FAR2: variants seen among roughly 807,000 people sequenced by gnomAD.
The protein encoded by FAR2 is epididymis secretory protein Li 81.
In FAR2, 19 loss-of-function variants were observed where a neutral mutation model predicts 56.0. That is an observed-to-expected ratio of 0.34 (90% CI 0.24 to 0.50). The LOEUF (loss-of-function observed/expected upper bound fraction) is 0.50. Among genes scored for constraint, FAR2 ranks in the 20% least tolerant of loss-of-function variants. The pLI is 0.98. For missense variants in FAR2, 508 were observed against 642.2 expected, an observed-to-expected ratio of 0.79 and a Z score of 2.26; for synonymous variants, 219 against 218.8, an observed-to-expected ratio of 1.00 and a Z score of -0.01.
chr12:29,228,707 A>G (rs900973455), intron 1 of FAR2, among the ~76,000 whole-genome samples: 7 of 151,536 alleles, frequency 4.6e-5, no homozygotes, highest in African/African-American at 1.7e-4. Context: ...CCCACCTCAT[A>G]CTCCTGAGTA....
chr12:29,311,098 C>G lies in FAR2; in HGVS notation c.839C>G (p.Thr280Arg), dbSNP rs1949343129. 2.5e-6 allele frequency: 4 copies of G among 1,613,390 alleles called. No individual in the cohort carries two copies. In the South Asian group the frequency reaches 3.3e-5, roughly 13 times the overall value. The stretch of plus-strand genomic sequence containing the variant: ...GTGGCAGACGTAATTCCAGTTGATA[C>G]AGTCGTCAATCTCATGCTAGCTGTA... ...MAVADVIPVDTVVNLMLAVGW... is the reference protein window; with the variant it reads ...MAVADVIPVDRVVNLMLAVGW... The change falls in exon 7 of 12, where the codon ACA becomes AGA. Residue 280 changes from threonine to arginine, a missense_variant. Transcript: ENST00000536681.
intron 1 of FAR2, among the ~76,000 whole-genome samples, chr12:29,220,467 T>C (rs1947673059): frequency 6.6e-6 from 1 of 152,200 alleles, no homozygotes; most frequent in Non-Finnish European, 1.5e-5. Flanking sequence ...ATTAATTTAA[T>C]GGATGAGTAT....
chr12:29,275,815 G>A (rs909411846), intron 2 of FAR2, among the ~76,000 whole-genome samples: 7 of 152,014 alleles, frequency 4.6e-5, no homozygotes, highest in East Asian at 1.9e-4. Context: ...TTTATAACAC[G>A]GCAACATTGC....
intron 10 of FAR2, among the ~76,000 whole-genome samples, chr12:29,326,966 C>T (rs1268137122): frequency 6.6e-6 from 1 of 152,046 alleles, no homozygotes; most frequent in Non-Finnish European, 1.5e-5. Context: ...TCAAATTGTC[C>T]CTGTTTGCAG....
chr12:29,260,956 A>G (rs1948407946), intron 1 of FAR2, among the ~76,000 whole-genome samples: 1 of 152,226 alleles, frequency 6.6e-6, no homozygotes, highest in African/African-American at 2.4e-5. Context: ...TAATGCAGTA[A>G]GGCTGCAGTG....
intron 2 of FAR2, among the ~76,000 whole-genome samples, chr12:29,275,418 G>A (rs1278821755): frequency 3.9e-5 from 6 of 152,176 alleles, no homozygotes; most frequent in Non-Finnish European, 8.8e-5. Context: ...ATGTGTACGT[G>A]CAGGTCACTG....
intron 3 of FAR2, 22 bp downstream of exon 3, chr12:29,293,497 A>T (rs1235364039): frequency 6.7e-7 from 1 of 1,491,326 alleles, no homozygotes; most frequent in Admixed American, 2.3e-5. Flanking sequence ...TTTCCCTCTC[A>T]TGGCTTGTAT....
intron 11 of FAR2, 117 bp from the exon 12 acceptor site, chr12:29,333,515 C>T (rs76197866): frequency 0.04 from 37,641 of 932,662 alleles, 919 homozygotes; most frequent in East Asian, 0.067. Flanking sequence ...ATATCAAATA[C>T]TCTGAGCACT....
At chr12:29,185,702 T>C (rs186422796) in intron 1 of FAR2, among the ~76,000 whole-genome samples, 48 of 152,330 alleles carry the variant, frequency 3.2e-4, no homozygotes, top group African/African-American at 1.1e-3. Context: ...CATGGGATAA[T>C]ATTGCCCCAC....
chr12:29,178,570 G>T (rs1453441691), intron 1 of FAR2, among the ~76,000 whole-genome samples: 1 of 152,230 alleles, frequency 6.6e-6, no homozygotes, highest in Non-Finnish European at 1.5e-5. Context: ...AGCCACAATA[G>T]TGCCACTGTA....
At chr12:29,180,249 CA>C (rs979501535) in intron 1 of FAR2, among the ~76,000 whole-genome samples, 3 of 152,032 alleles carry the variant, frequency 2.0e-5, no homozygotes, top group Non-Finnish European at 4.4e-5. Context: ...TTTTCTTGAT[CA>C]AAAAACCAAA....
intron 1 of FAR2, among the ~76,000 whole-genome samples, chr12:29,181,812 A>G (rs1243735107): frequency 6.6e-6 from 1 of 152,254 alleles, no homozygotes; most frequent in East Asian, 1.9e-4. Context: ...GGCATTTAAG[A>G]ATATTCAAGA....
intron 4 of FAR2, among the ~76,000 whole-genome samples, chr12:29,300,727 T>C (rs1424996010): frequency 6.6e-6 from 1 of 152,132 alleles, no homozygotes; most frequent in African/African-American, 2.4e-5. Flanking sequence ...TATTTATTTA[T>C]TTATAAGGAA....
intron 1 of FAR2, among the ~76,000 whole-genome samples, chr12:29,166,371 G>T (rs986202333): frequency 6.6e-6 from 1 of 152,094 alleles, no homozygotes. Flanking sequence ...ATTATTTTAT[G>T]TGAGTCCCTG....
intron 4 of FAR2, among the ~76,000 whole-genome samples, chr12:29,298,296 T>G (rs1477534000): frequency 4.1e-5 from 1 of 24,330 alleles, no homozygotes; most frequent in African/African-American, 1.5e-3. Flanking sequence ...TTTACCTTGT[T>G]TTTTTTTTTT....
At chr12:29,283,303 A>AT (rs1271191922) in intron 2 of FAR2, among the ~76,000 whole-genome samples, 3 of 152,122 alleles carry the variant, frequency 2.0e-5, no homozygotes, top group Admixed American at 6.5e-5. Context: ...TTGGATTACA[A>AT]TTTTTTTGCA....
chr12:29,333,089 T>C (rs1949755399), intron 11 of FAR2: 1 of 351,784 alleles, frequency 2.8e-6, no homozygotes, highest in African/African-American at 2.1e-5. Flanking sequence ...GAGACCTGAT[T>C]ATGCTATTTA....
intron 1 of FAR2, among the ~76,000 whole-genome samples, chr12:29,168,687 G>A (rs138085246): frequency 1.1e-4 from 16 of 152,094 alleles, no homozygotes; most frequent in African/African-American, 3.1e-4. Context: ...TTGTGGTCTC[G>A]CTGACTTCAA....
chr12:29,236,720 A>T (rs138123976), intron 1 of FAR2, among the ~76,000 whole-genome samples: 7 of 152,172 alleles, frequency 4.6e-5, no homozygotes, highest in African/African-American at 1.7e-4. Context: ...ACACCTGGGG[A>T]TTACAATTCC....
Sources: allele counts gnomAD v4.1 joint callset (sites outside exome capture counted in the v4.1 genomes callset), GRCh38; gene constraint gnomAD v4.1.1; transcripts MANE v1.5; gene names NCBI Gene and HGNC (gene_info 2026-07-23, HGNC 2026-07-21).